Variants in EIF2AK3 observed in about 807,000 individuals in gnomAD.
EIF2AK3 encodes eukaryotic translation initiation factor 2-alpha kinase 3.
Under a neutral mutation model 113.5 loss-of-function variants are expected in EIF2AK3, and 50 were observed. The ratio of observed to expected loss-of-function variants is 0.44; its 90% CI spans 0.35 to 0.56. EIF2AK3 has a LOEUF of 0.56. EIF2AK3 is among the 20% of genes least tolerant of loss of function. EIF2AK3 has a pLI of 0.00. For missense variants in EIF2AK3, 1,185 were observed against 1,378.0 expected (o/e 0.86, Z 2.22); for synonymous variants, 448 against 495.4 (o/e 0.90, Z 1.27).
At chr2:88,573,110 CTT>C (rs112158228) in intron 13 of EIF2AK3, among the ~76,000 whole-genome samples, 76 of 128,210 alleles carry the variant, frequency 5.9e-4, no homozygotes, top group African/African-American at 1.3e-3. Context: ...AAAATCTTGG[CTT>C]TTTTTTTTTT....
intron 2 of EIF2AK3, among the ~76,000 whole-genome samples, chr2:88,605,962 G>T (rs1675261370): frequency 6.6e-6 from 1 of 152,176 alleles, no homozygotes; most frequent in Non-Finnish European, 1.5e-5. Context: ...AGATTGTTCA[G>T]CAGATCCGGG....
chr2:88,613,870 T>A lies in EIF2AK3; in HGVS notation c.309-17A>T. The A allele has an allele frequency of 6.3e-7, 1 of 1,597,846 alleles. No homozygotes were observed. ...ACTAATGACCTGTAAATATTAAAAA[T>A]ATTTTTAAAATTAACAGATATCTAA... On this transcript the variant is annotated splice_polypyrimidine_tract_variant and intron_variant, in intron 1 of 16. Transcript: ENST00000303236.
chr2:88,570,676 T>G (rs973415644), intron 14 of EIF2AK3, among the ~76,000 whole-genome samples, 198 bp downstream of exon 14: 1 of 152,220 alleles, frequency 6.6e-6, no homozygotes, highest in Non-Finnish European at 1.5e-5. Flanking sequence ...TGTATTTTTC[T>G]TAATCCAGCC....
rs762928284 is a variant in EIF2AK3, at chr2:88,575,125, T to G, written c.2358A>C (p.Glu786Asp). 2 of 1,614,148 alleles carry G rather than the reference T, an allele frequency of 1.2e-6. No homozygotes were observed. Among genetic ancestry groups the G allele is most frequent in the Non-Finnish European group, 8.5e-7 (1 of 1,180,000 alleles). The change falls in exon 13 of 17, where the codon GAA (glutamate) becomes GAC (aspartate). Residue 786 changes from glutamate to aspartate, a missense_variant. Glu to Asp is a conservative substitution (Grantham distance 45, BLOSUM62 2). Around this residue, in one of 3 missense-constraint regions of EIF2AK3, gnomAD observed 877 missense variants for 1,024.2 expected, o/e 0.86. Transcript: ENST00000303236. ...AAGGAGAAGCTTCAGAAGGACAAAG[T>G]TCAAAGGAGTGCCCCTCATCATTGC... ...MDGNDEGHSF[E>D]LCPSEASPYV... is the part of the protein sequence containing the mutation.
At chr2:88,586,335 CATT>C (rs955356407) in intron 8 of EIF2AK3, among the ~76,000 whole-genome samples, 25 of 152,020 alleles carry the variant, frequency 1.6e-4, no homozygotes, top group Non-Finnish European at 2.9e-4. Flanking sequence ...TTCATAACCT[CATT>C]AATAATTCAA....
chr2:88,611,019 C>T (rs1675439893), intron 2 of EIF2AK3, among the ~76,000 whole-genome samples: 1 of 152,150 alleles, frequency 6.6e-6, no homozygotes, highest in South Asian at 2.1e-4. Flanking sequence ...CCATTGCACT[C>T]CAGCCTGATA....
At position 88,574,734 on chromosome 2, in the gene EIF2AK3, T is replaced by A. The variant is rs1437599611; in HGVS notation, c.2749A>T (p.Ile917Phe). ...EERERSVCLH[I>F]FLQIAEAVEF... ...ACTGCCTCTGCGATCTGCAGGAAGA[T>A]GTGCAGACACACGCTCCTCTCTCTC... The change falls in exon 13 of 17, where the codon ATC (isoleucine) becomes TTC (phenylalanine). Residue 917 changes from isoleucine to phenylalanine, a missense_variant. Coordinates refer to ENST00000303236, the MANE Select transcript of EIF2AK3 (RefSeq NM_004836.7). 1 of 1,614,218 alleles carries A rather than the reference T, an allele frequency of 6.2e-7. No individual in the cohort carries two copies.
At chr2:88,619,955 CAAAA>C (rs35076573) in intron 1 of EIF2AK3, among the ~76,000 whole-genome samples, 3 of 119,724 alleles carry the variant, frequency 2.5e-5, no homozygotes, top group Admixed American at 8.4e-5. Context: ...GACTCCGTCT[CAAAA>C]AAAAAAAAAA....
intron 15 of EIF2AK3, among the ~76,000 whole-genome samples, chr2:88,560,794 C>T (rs1447237839): frequency 4.1e-5 from 6 of 145,630 alleles, no homozygotes; most frequent in Non-Finnish European, 7.5e-5. Context: ...TAGGTCCTTT[C>T]GGTTAGAAGA....
chr2:88,620,631 A>G (rs1675696584), intron 1 of EIF2AK3, among the ~76,000 whole-genome samples: 1 of 152,212 alleles, frequency 6.6e-6, no homozygotes, highest in Non-Finnish European at 1.5e-5. Context: ...GCCCTGGCTT[A>G]GGAACCACTG....
At chr2:88,605,874 G>T (rs1675259127) in intron 2 of EIF2AK3, among the ~76,000 whole-genome samples, 1 of 152,074 alleles carries the variant, frequency 6.6e-6, no homozygotes, top group Non-Finnish European at 1.5e-5. Context: ...AAAGTAAAGG[G>T]TCTCCAGGAA....
intron 2 of EIF2AK3, among the ~76,000 whole-genome samples, chr2:88,609,171 A>G (rs923959205): frequency 1.3e-5 from 2 of 152,190 alleles, no homozygotes; most frequent in Admixed American, 1.3e-4. Context: ...TCATGCTCAC[A>G]ATACAGTCTT....
intron 2 of EIF2AK3, among the ~76,000 whole-genome samples, chr2:88,598,974 A>T (rs1244017300): frequency 2.0e-5 from 3 of 152,130 alleles, no homozygotes; most frequent in Non-Finnish European, 4.4e-5. Context: ...AAGCATATAA[A>T]GCAGGCAACC....
At chr2:88,602,949 G>C (rs151144387) in intron 2 of EIF2AK3, among the ~76,000 whole-genome samples, 6 of 151,392 alleles carry the variant, frequency 4.0e-5, no homozygotes, top group African/African-American at 1.5e-4. Flanking sequence ...CTATATCCTG[G>C]AACTTAAAGT....
chr2:88,606,352 T>C (rs192841777), intron 2 of EIF2AK3, among the ~76,000 whole-genome samples: 123 of 152,250 alleles, frequency 8.1e-4, no homozygotes, highest in African/African-American at 2.9e-3. Context: ...GTTTCTCCTT[T>C]GGTGACATGC....
At chr2:88,574,491 C>T (rs1674399783) in intron 13 of EIF2AK3, 175 bp downstream of exon 13, 7 of 724,120 alleles carry the variant, frequency 9.7e-6, no homozygotes, top group Non-Finnish European at 1.6e-5. Context: ...AGTTTTCAGA[C>T]ATAAGACTTC....
rs753345227 is a variant in EIF2AK3 at position 88,595,612 on chromosome 2, A to G, written c.490T>C (p.Trp164Arg). Reference sequence around the variant, plus strand: ...TCCATGCTTTCACGGTCTTGGTCCCACTGGAAGAGGGCTCCATCCAGGGAA... The same window carrying G: ...TCCATGCTTTCACGGTCTTGGTCCCGCTGGAAGAGGGCTCCATCCAGGGAA... Reference protein sequence around the residue: ...IPSLDGALFQWDQDRESMETV... With the variant: ...IPSLDGALFQRDQDRESMETV... The change falls in exon 3 of 17, where the codon TGG becomes CGG. Residue 164 changes from tryptophan (W) to arginine (R), a missense_variant. Trp to Arg is a moderately radical substitution (Grantham distance 101). Around this residue, in one of 3 missense-constraint regions of EIF2AK3, gnomAD observed 119 missense variants for 178.7 expected, o/e 0.67. Transcript: ENST00000303236. The G allele has an allele frequency of 2.6e-5, 42 of 1,614,026 alleles. No individual in the cohort carries two copies. The highest frequency in any genetic ancestry group is 3.1e-5 in the Non-Finnish European group (37 of 1,179,948).
intron 2 of EIF2AK3, among the ~76,000 whole-genome samples, chr2:88,604,946 G>A (rs1369235808): frequency 1.3e-5 from 2 of 152,144 alleles, no homozygotes; most frequent in Non-Finnish European, 2.9e-5. Flanking sequence ...AAGATCTCGG[G>A]TTGAGTCTCA....
At chr2:88,603,989 A>C (rs1270876041) in intron 2 of EIF2AK3, among the ~76,000 whole-genome samples, 1 of 152,138 alleles carries the variant, frequency 6.6e-6, no homozygotes, top group African/African-American at 2.4e-5. Flanking sequence ...CTCGTTAAAC[A>C]TCTTTTGAAT....
Sources: allele counts gnomAD v4.1 joint callset (sites outside exome capture counted in the v4.1 genomes callset), GRCh38; gene constraint gnomAD v4.1.1; regional missense constraint gnomAD v4.1.1; transcripts MANE v1.5; gene names NCBI Gene and HGNC (gene_info 2026-07-23, HGNC 2026-07-21).